PTPRD: variants seen among roughly 807,000 people sequenced by gnomAD.
The protein encoded by PTPRD is receptor-type tyrosine-protein phosphatase delta.
A neutral mutation model predicts 214.5 loss-of-function variants in PTPRD; 34 were observed. The ratio of observed to expected loss-of-function variants is 0.16; its 90% CI spans 0.12 to 0.21. PTPRD has a LOEUF of 0.21. PTPRD is among the 10% of genes least tolerant of loss of function. The pLI is 1.00. For missense variants in PTPRD, 2,545 were observed against 2,398.7 expected, an observed-to-expected ratio of 1.06 and a Z score of -1.27; for synonymous variants, 1,128 against 845.7, an observed-to-expected ratio of 1.33 and a Z score of -5.79.
intron 5 of PTPRD, among the ~76,000 whole-genome samples, chr9:9,824,532 G>A (rs924807716): frequency 6.6e-6 from 1 of 151,784 alleles, no homozygotes; most frequent in African/African-American, 2.4e-5. Flanking sequence ...TGAATTAACT[G>A]TAAAAATTAA....
At chr9:10,042,571 A>G (rs1392089394) in intron 3 of PTPRD, among the ~76,000 whole-genome samples, 1 of 151,974 alleles carries the variant, frequency 6.6e-6, no homozygotes, top group African/African-American at 2.4e-5. Flanking sequence ...GGTAACAAGC[A>G]GAGCTACTAG....
At chr9:9,972,779 T>A (rs533810568) in intron 4 of PTPRD, among the ~76,000 whole-genome samples, 13 of 152,274 alleles carry the variant, frequency 8.5e-5, no homozygotes, top group Admixed American at 2.0e-4. Context: ...CTTACGGGCA[T>A]CATTACTAGC....
chr9:8,507,759 C>T (rs1203241249), intron 21 of PTPRD, among the ~76,000 whole-genome samples: 2 of 152,142 alleles, frequency 1.3e-5, no homozygotes, highest in Admixed American at 6.5e-5. Flanking sequence ...ATATAATTTA[C>T]ATAAAGCACT....
intron 11 of PTPRD, among the ~76,000 whole-genome samples, chr9:8,870,714 A>ACACACACACACATG (rs2098282207): frequency 1.3e-5 from 2 of 149,978 alleles, no homozygotes; most frequent in Admixed American, 6.7e-5. Context: ...ACACACACAC[A>ACACACACACACATG]CACACACACA....
chr9:8,405,772 A>T (rs527728674), intron 35 of PTPRD, among the ~76,000 whole-genome samples: 2 of 152,290 alleles, frequency 1.3e-5, no homozygotes, highest in South Asian at 4.1e-4. Flanking sequence ...CTATTATGTT[A>T]ACATAATTTT....
At chr9:9,639,347 G>A (rs2095865784) in intron 7 of PTPRD, among the ~76,000 whole-genome samples, 1 of 152,138 alleles carries the variant, frequency 6.6e-6, no homozygotes. Flanking sequence ...ACGGACAGAT[G>A]AATACCAAAC....
chr9:10,574,775 G>A lies in PTPRD; in HGVS notation c.-600+37623C>T, dbSNP rs1198127158. Among the ~76,000 whole-genome samples, 5 of 145,488 alleles carry A rather than the reference G, an allele frequency of 3.4e-5. No individual in the cohort carries two copies. In the East Asian group the frequency reaches 8.3e-4, roughly 24 times the overall value. On this transcript the variant is annotated intron_variant, in intron 2 of 45. Transcript: ENST00000381196. ...ATGGTTCAAATATATATGTGTGTGTGTATATATATACACACACATCAAATA... is the reference window on the plus strand; with the variant it reads ...ATGGTTCAAATATATATGTGTGTGTATATATATATACACACACATCAAATA...
At chr9:9,242,480 A>G (rs970477856) in intron 9 of PTPRD, among the ~76,000 whole-genome samples, 6 of 152,142 alleles carry the variant, frequency 3.9e-5, no homozygotes, top group East Asian at 1.9e-4. Context: ...TTTCAGGTAC[A>G]CCAATCAGAC....
intron 39 of PTPRD, among the ~76,000 whole-genome samples, chr9:8,344,034 T>C (rs75598069): frequency 0.04 from 6,103 of 152,092 alleles, 412 homozygotes; most frequent in African/African-American, 0.14. Context: ...TCTCCTGATA[T>C]GCCATCAGAT....
chr9:8,372,970 GA>G (rs2082013632), intron 39 of PTPRD, among the ~76,000 whole-genome samples: 1 of 151,656 alleles, frequency 6.6e-6, no homozygotes, highest in African/African-American at 2.4e-5. Context: ...CTTTAATATA[GA>G]AAAAAAGTTT....
intron 3 of PTPRD, among the ~76,000 whole-genome samples, chr9:10,123,663 A>G (rs1212111563): frequency 1.3e-5 from 2 of 152,246 alleles, no homozygotes; most frequent in Non-Finnish European, 2.9e-5. Context: ...GATCAATAAA[A>G]GAACACCGTT....
chr9:8,386,240 G>T (rs754310838), intron 37 of PTPRD, among the ~76,000 whole-genome samples: 2 of 152,174 alleles, frequency 1.3e-5, no homozygotes, highest in Non-Finnish European at 2.9e-5. Context: ...ACATCTGACT[G>T]CAAAGTGCCC....
chr9:8,753,461 T>C (rs1409589089), intron 11 of PTPRD, among the ~76,000 whole-genome samples: 1 of 152,178 alleles, frequency 6.6e-6, no homozygotes, highest in Non-Finnish European at 1.5e-5. Flanking sequence ...TCACTCAAGC[T>C]TCTTAAAGGA....
intron 4 of PTPRD, among the ~76,000 whole-genome samples, chr9:9,954,888 T>A (rs1350469246): frequency 6.6e-6 from 1 of 152,160 alleles, no homozygotes; most frequent in Non-Finnish European, 1.5e-5. Flanking sequence ...AATTTGCATC[T>A]TATTCAAAAC....
chr9:8,762,260 C>G (rs1401737906), intron 11 of PTPRD, among the ~76,000 whole-genome samples: 1 of 152,084 alleles, frequency 6.6e-6, no homozygotes, highest in Non-Finnish European at 1.5e-5. Flanking sequence ...GTTTGAACAT[C>G]AAAACGAGAT....
chr9:8,751,493 T>C (rs979359125), intron 11 of PTPRD, among the ~76,000 whole-genome samples: 7 of 152,218 alleles, frequency 4.6e-5, no homozygotes, highest in Non-Finnish European at 1.0e-4. Flanking sequence ...TTAAACTCTG[T>C]AATGTTAGCA....
intron 11 of PTPRD, among the ~76,000 whole-genome samples, chr9:8,816,339 C>A (rs1392451991): frequency 2.6e-5 from 4 of 152,130 alleles, no homozygotes; most frequent in Non-Finnish European, 5.9e-5. Flanking sequence ...TACAGAAGAA[C>A]AGAACTGCTT....
intron 3 of PTPRD, among the ~76,000 whole-genome samples, chr9:10,079,197 C>T (rs1008908783): frequency 9.2e-5 from 14 of 151,964 alleles, no homozygotes; most frequent in Admixed American, 1.3e-4. Context: ...GGCAAGCTTC[C>T]GAACTCCATG....
intron 11 of PTPRD, among the ~76,000 whole-genome samples, chr9:8,898,300 A>T (rs1413819367): frequency 6.6e-6 from 1 of 152,066 alleles, no homozygotes; most frequent in Admixed American, 6.6e-5. Context: ...GAGCCCCAGG[A>T]ATCTCCTATA....
Sources: gnomAD v4.1 joint callset for allele counts (sites outside exome capture counted in the v4.1 genomes callset) on GRCh38, gnomAD v4.1.1 for gene constraint, MANE v1.5 for transcripts, NCBI Gene and HGNC (gene_info 2026-07-23, HGNC 2026-07-21) for gene names.